The following PIEZO2 variants were observed in gnomAD, a reference collection of about 807,000 sequenced individuals.
PIEZO2 encodes the protein piezo-type mechanosensitive ion channel component 2.
PIEZO2 carries 172 observed loss-of-function variants against 337.3 expected under a neutral mutation model. The observed-to-expected ratio is 0.51, with a 90% confidence interval of 0.45 to 0.58. The LOEUF is 0.58. PIEZO2 is among the 20% of genes least tolerant of loss of function. The probability of loss-of-function intolerance (pLI) is 0.00; values close to 1 mark genes in which losing one functional copy is unlikely to be tolerated. For synonymous variants in PIEZO2, 1,251 were observed against 1,228.5 expected (o/e 1.02, Z -0.38); for missense variants, 3,028 against 3,391.3 (o/e 0.89, Z 2.66).
chr18:10,891,195 G>A (rs752907361), intron 4 of PIEZO2, among the ~76,000 whole-genome samples: 10 of 152,064 alleles, frequency 6.6e-5, no homozygotes, highest in South Asian at 2.1e-4. Flanking sequence ...GTGGTGGTGC[G>A]CACCTGTAAT....
At chr18:10,944,951 G>C (rs2032940807) in intron 3 of PIEZO2, among the ~76,000 whole-genome samples, 1 of 152,136 alleles carries the variant, frequency 6.6e-6, no homozygotes, top group Non-Finnish European at 1.5e-5. Flanking sequence ...TCCATGTGCA[G>C]TGCAGGGAGG....
chr18:11,142,184 A>C (rs938873645), intron 1 of PIEZO2, among the ~76,000 whole-genome samples: 2 of 152,236 alleles, frequency 1.3e-5, no homozygotes, highest in Non-Finnish European at 2.9e-5. Flanking sequence ...AACATTTTAT[A>C]AGCTGGTAAC....
chr18:11,018,002 A>C (rs2145695893), intron 2 of PIEZO2, among the ~76,000 whole-genome samples: 1 of 152,246 alleles, frequency 6.6e-6, no homozygotes, highest in East Asian at 1.9e-4. Context: ...CAAATAAAAA[A>C]CAGAAATGTA....
intron 3 of PIEZO2, among the ~76,000 whole-genome samples, chr18:10,959,989 A>T (rs966193221): frequency 6.6e-6 from 1 of 152,146 alleles, no homozygotes; most frequent in African/African-American, 2.4e-5. Flanking sequence ...AGGGAACCTT[A>T]AATTTATTTT....
At chr18:11,118,795 T>C (rs987665694) in intron 1 of PIEZO2, among the ~76,000 whole-genome samples, 1 of 151,848 alleles carries the variant, frequency 6.6e-6, no homozygotes, top group Non-Finnish European at 1.5e-5. Flanking sequence ...CGTAAACCTC[T>C]GACTCTGCAG....
chr18:10,785,032 C>A, intron 16 of PIEZO2, 75 bp from the exon 17 acceptor site: 2 of 1,413,248 alleles, frequency 1.4e-6, no homozygotes, highest in Non-Finnish European at 1.9e-6. Flanking sequence ...TGATAAACTA[C>A]ATCACAGTCT....
chr18:10,820,090 G>A (rs1413084567), intron 7 of PIEZO2, among the ~76,000 whole-genome samples: 1 of 151,956 alleles, frequency 6.6e-6, no homozygotes, highest in East Asian at 1.9e-4. Context: ...TTATTTGACT[G>A]TTTTAAATAT....
rs1189764440 is a variant in PIEZO2 at position 11,097,728 on chromosome 18, A to C, written c.65-31506T>G. On this transcript the variant is annotated intron_variant, in intron 1 of 55. Coordinates refer to ENST00000674853, the MANE Select transcript of PIEZO2 (RefSeq NM_001378183.1). This position sits in a 1 kb window ranked among gnomAD's most constrained non-coding sequence, Gnocchi z 5.0. Reference sequence around the variant, plus strand: ...ATGAACACTTGATTAGCCATTAGAAAGATTACTTTGTAATGAAATGTATGG... The same window carrying C: ...ATGAACACTTGATTAGCCATTAGAACGATTACTTTGTAATGAAATGTATGG... Among the ~76,000 whole-genome samples, 1 of 152,236 alleles carries C rather than the reference A, an allele frequency of 6.6e-6. No homozygotes were observed. The highest frequency in any genetic ancestry group is 1.9e-4 in the East Asian group (1 of 5,204).
chr18:10,827,058 A>G (rs2040696593), intron 7 of PIEZO2, among the ~76,000 whole-genome samples: 1 of 152,218 alleles, frequency 6.6e-6, no homozygotes, highest in South Asian at 2.1e-4. Flanking sequence ...GCATAGATAT[A>G]TAGAAAATAG....
intron 1 of PIEZO2, among the ~76,000 whole-genome samples, chr18:11,136,216 A>G (rs1003119669): frequency 1.3e-5 from 2 of 152,244 alleles, no homozygotes; most frequent in African/African-American, 4.8e-5. Context: ...CTGGGTCAGA[A>G]ATGCAGTGTG....
Position 11,097,259 on chromosome 18 carries a change from GA to G in PIEZO2, c.65-31038del, listed in dbSNP as rs1245547139. Among the ~76,000 whole-genome samples, 1 of 152,148 alleles carries G rather than the reference GA, an allele frequency of 6.6e-6. No individual in the cohort carries two copies. Among genetic ancestry groups the G allele is most frequent in the African/African-American group, 2.4e-5 (1 of 41,434 alleles). On this transcript the variant is annotated intron_variant, in intron 1 of 55. Coordinates refer to ENST00000674853, the MANE Select transcript of PIEZO2 (RefSeq NM_001378183.1). The surrounding 1 kb of genome is among the most constrained non-coding windows in gnomAD (Gnocchi z 5.0). ...AGATCATGAAACATGAAAATTATATGAAAGTCAATTTCAGTGTCCATCAGTG... is the reference window on the plus strand; with the variant it reads ...AGATCATGAAACATGAAAATTATATGAAGTCAATTTCAGTGTCCATCAGTG...
intron 1 of PIEZO2, among the ~76,000 whole-genome samples, chr18:11,141,267 A>G (rs912728595): frequency 2.6e-5 from 4 of 152,204 alleles, no homozygotes; most frequent in African/African-American, 9.7e-5. Flanking sequence ...CTGTTGGGCT[A>G]ATGACCAAGT....
intron 40 of PIEZO2, 46 bp from the exon 41 acceptor site, chr18:10,705,792 C>T (rs2035561279): frequency 1.6e-5 from 23 of 1,469,724 alleles, no homozygotes; most frequent in Non-Finnish European, 2.1e-5. Flanking sequence ...TTAGCATCCA[C>T]ACTCCTGGGG....
At chr18:11,049,406 G>GT (rs1355217298) in intron 2 of PIEZO2, among the ~76,000 whole-genome samples, 2 of 152,204 alleles carry the variant, frequency 1.3e-5, no homozygotes, top group African/African-American at 4.8e-5. Flanking sequence ...ACAAGGCCTG[G>GT]TAGAGCAGAC....
chr18:10,671,860 A>T, intron 55 of PIEZO2, 81 bp from the exon 56 acceptor site: 1 of 1,259,376 alleles, frequency 7.9e-7, no homozygotes. Context: ...AGAAAAAAAT[A>T]TTACTTTCCC....
At position 10,759,482 on chromosome 18, in the gene PIEZO2, A is replaced by C. The variant is rs754352424; in HGVS notation, c.3757T>G (p.Tyr1253Asp). Residue 1253 changes from tyrosine (Y) to aspartate (D), a missense_variant and splice_region_variant, in exon 26 of 56, where the codon TAT becomes GAT. This residue lies in a region of PIEZO2 where 1,925 missense variants were observed against 2,051.9 expected (regional missense o/e 0.94). Transcript: ENST00000674853. The surrounding 1 kb of genome is among the most constrained non-coding windows in gnomAD (Gnocchi z 5.5). ...GTGGCCCTGCAGTGGAAACACTTAC[A>C]GACGAGAAACACAGGGTTGGGCCGC... ...IVRPNPVFLV[Y>D]DFMLLLCASL... The C allele has an allele frequency of 6.5e-7, 1 of 1,535,978 alleles. No homozygotes were observed. The highest frequency in any genetic ancestry group is 8.7e-7 in the Non-Finnish European group (1 of 1,146,096).
At chr18:10,809,295 A>T (rs1183267494) in intron 7 of PIEZO2, among the ~76,000 whole-genome samples, 2 of 91,078 alleles carry the variant, frequency 2.2e-5, no homozygotes, top group Non-Finnish European at 4.2e-5. Flanking sequence ...TTTTTGAGAC[A>T]GAGTCTCACT....
intron 28 of PIEZO2, among the ~76,000 whole-genome samples, chr18:10,752,090 A>G (rs2037670796): frequency 6.6e-6 from 1 of 152,100 alleles, no homozygotes; most frequent in East Asian, 1.9e-4. Flanking sequence ...AGAAGGCTGC[A>G]TTTTCTCTTC....
At chr18:10,768,425 G>A (rs1228728319) in intron 21 of PIEZO2, among the ~76,000 whole-genome samples, 1 of 152,182 alleles carries the variant, frequency 6.6e-6, no homozygotes, top group African/African-American at 2.4e-5. Context: ...GAAAGAGCCA[G>A]CAATGCACAC....
Sources: allele counts gnomAD v4.1 joint callset (sites outside exome capture counted in the v4.1 genomes callset), GRCh38; gene constraint gnomAD v4.1.1; regional missense constraint gnomAD v4.1.1; non-coding constraint Gnocchi (gnomAD v3.1); transcripts MANE v1.5; gene names NCBI Gene and HGNC (gene_info 2026-07-23, HGNC 2026-07-21).